The following NCF2 variants were observed in gnomAD, a reference collection of about 807,000 sequenced individuals.
NCF2 encodes the protein neutrophil cytosolic factor 2.
In NCF2, 45 loss-of-function variants were observed where a neutral mutation model predicts 70.9. The observed-to-expected ratio is 0.63, with a 90% confidence interval of 0.50 to 0.81. NCF2 has a LOEUF of 0.81. Among genes scored for constraint, NCF2 ranks in the 40% least tolerant of loss-of-function variants. NCF2 has a pLI of 0.00. For missense variants in NCF2, 522 were observed against 631.6 expected (o/e 0.83, Z 1.86); for synonymous variants, 203 against 233.6 (o/e 0.87, Z 1.19).
At chr1:183,579,956 G>C (rs914101217) in intron 2 of NCF2, among the ~76,000 whole-genome samples, 3 of 152,010 alleles carry the variant, frequency 2.0e-5, no homozygotes, top group Non-Finnish European at 4.4e-5. Context: ...TTTACTTAAA[G>C]CTCCGTGCCA....
intron 6 of NCF2, among the ~76,000 whole-genome samples, chr1:183,570,336 A>G (rs1015566150): frequency 1.3e-5 from 2 of 152,188 alleles, no homozygotes; most frequent in Admixed American, 1.3e-4. Context: ...CCCGAAGGAA[A>G]CCCCTGCACA....
At position 183,573,398 on chromosome 1, in the gene NCF2, T is replaced by C; in HGVS notation, c.502-106A>G. On this transcript the variant is annotated intron_variant, in intron 4 of 14. Transcript: ENST00000367535. ...GCAAGAATTCATTGAGATAACCACA[T>C]AGAAGCCCTTTTCCAAATGAGTGTT... The C allele has an allele frequency of 3.8e-6, 4 of 1,062,830 alleles. No individual in the cohort carries two copies. In the Admixed American group the frequency reaches 5.3e-5, roughly 14 times the overall value. 65.8% of individuals were successfully genotyped at this position (1,062,830 alleles called of 1,614,324 possible).
At chr1:183,561,779 C>G (rs1294138993) in intron 13 of NCF2, among the ~76,000 whole-genome samples, 1 of 65,122 alleles carries the variant, frequency 1.5e-5, no homozygotes, top group East Asian at 4.3e-4. Context: ...TACCAGGCCT[C>G]TTTTTTTTTT....
intron 2 of NCF2, among the ~76,000 whole-genome samples, chr1:183,584,786 G>A (rs1419605886): frequency 6.6e-6 from 1 of 152,174 alleles, no homozygotes; most frequent in African/African-American, 2.4e-5. Flanking sequence ...GGGACAGGCA[G>A]TTAGAGGCAA....
intron 1 of NCF2, among the ~76,000 whole-genome samples, chr1:183,588,824 T>A (rs547058783): frequency 3.9e-5 from 6 of 152,298 alleles, no homozygotes; most frequent in Non-Finnish European, 7.4e-5. Context: ...GCCTGGGAGC[T>A]GAGAAGTGAG....
At chr1:183,584,105 C>G (rs1396914870) in intron 2 of NCF2, among the ~76,000 whole-genome samples, 1 of 152,042 alleles carries the variant, frequency 6.6e-6, no homozygotes, top group Non-Finnish European at 1.5e-5. Context: ...ATCTCAGGTA[C>G]AGATTCTGTG....
chr1:183,574,022 A>G (rs1410933655), intron 4 of NCF2, among the ~76,000 whole-genome samples: 1 of 152,240 alleles, frequency 6.6e-6, no homozygotes, highest in Non-Finnish European at 1.5e-5. Flanking sequence ...CCCAGGAGGC[A>G]GAGGCTGCAG....
At chr1:183,589,871 G>A (rs553644158) in intron 1 of NCF2, among the ~76,000 whole-genome samples, 2 of 152,296 alleles carry the variant, frequency 1.3e-5, no homozygotes, top group South Asian at 4.1e-4. Context: ...GACTAGGACA[G>A]CCTTCACAAA....
the NCF2 span, among the ~76,000 whole-genome samples, chr1:183,596,351 C>A: frequency 6.6e-6 from 1 of 151,232 alleles, no homozygotes; most frequent in Non-Finnish European, 1.5e-5. Context: ...GTACCCTTTA[C>A]ACACACAATG....
chr1:183,569,278 T>A, intron 6 of NCF2, 93 bp from the exon 7 acceptor site: 1 of 1,171,714 alleles, frequency 8.5e-7, no homozygotes. Context: ...TGAGCATTCT[T>A]CCAGACCAGA....
chr1:183,582,845 G>C (rs1176358528), intron 2 of NCF2, among the ~76,000 whole-genome samples: 2 of 152,212 alleles, frequency 1.3e-5, no homozygotes, highest in African/African-American at 4.8e-5. Flanking sequence ...GCTGGGGCTA[G>C]AGAGGCGAGA....
At chr1:183,582,070 C>T (rs1673142834) in intron 2 of NCF2, among the ~76,000 whole-genome samples, 1 of 152,256 alleles carries the variant, frequency 6.6e-6, no homozygotes, top group Non-Finnish European at 1.5e-5. Flanking sequence ...CTTGTTTACC[C>T]AGAGCTGCAG....
chr1:183,561,437 C>T (rs1017734896), intron 13 of NCF2, among the ~76,000 whole-genome samples: 1 of 152,108 alleles, frequency 6.6e-6, no homozygotes, highest in African/African-American at 2.4e-5. Context: ...CTCAGAACCT[C>T]AGTTACCTCA....
intron 4 of NCF2, 138 bp from the exon 5 acceptor site, chr1:183,573,430 C>A: frequency 1.2e-6 from 1 of 844,694 alleles, no homozygotes; most frequent in Non-Finnish European, 2.0e-6. Flanking sequence ...TGTTGTCATT[C>A]CTCTAGGGTG....
At chr1:183,557,586 G>A (rs190014461) in intron 14 of NCF2, among the ~76,000 whole-genome samples, 77 of 152,274 alleles carry the variant, frequency 5.1e-4, no homozygotes, top group African/African-American at 7.9e-4. Context: ...TACCCTGACC[G>A]CTAAATTCTG....
At chr1:183,567,822 C>T (rs929775662) in intron 7 of NCF2, among the ~76,000 whole-genome samples, 8 of 152,056 alleles carry the variant, frequency 5.3e-5, no homozygotes, top group Non-Finnish European at 8.8e-5. Context: ...GATAGAGAGA[C>T]CGTGAGCAGG....
rs1210057682 is a variant in NCF2 at position 183,587,041 on chromosome 1, A to G, written c.175-64T>C. The stretch of plus-strand genomic sequence containing the variant: ...GCAGTGAGGAGGTGTGAGATGAGCC[A>G]CGGCTCACAGAGCCCTAGCTCCCTG... On this transcript the variant is annotated intron_variant, in intron 1 of 14. Coordinates refer to ENST00000367535, the MANE Select transcript of NCF2 (RefSeq NM_000433.4). 11 of 1,455,534 alleles carry G rather than the reference A, an allele frequency of 7.6e-6. No individual in the cohort carries two copies. In the East Asian group the frequency reaches 1.4e-4, roughly 18 times the overall value. The allele number at this position is 1,455,534 out of a possible 1,614,324, so 90.2% of individuals were successfully genotyped here.
chr1:183,562,611 G>T (rs1317748309), intron 13 of NCF2, among the ~76,000 whole-genome samples: 1 of 152,104 alleles, frequency 6.6e-6, no homozygotes, highest in African/African-American at 2.4e-5. Flanking sequence ...GAGGCAGGTG[G>T]ATCACAAGGT....
chr1:183,574,661 T>G, intron 3 of NCF2, 40 bp from the exon 4 acceptor site: 1 of 1,612,436 alleles, frequency 6.2e-7, no homozygotes, highest in Non-Finnish European at 8.5e-7. Flanking sequence ...TTGAGACTAC[T>G]CCAAATCAAG....
Sources: gnomAD v4.1 joint callset for allele counts (sites outside exome capture counted in the v4.1 genomes callset) on GRCh38, gnomAD v4.1.1 for gene constraint, MANE v1.5 for transcripts, NCBI Gene and HGNC (gene_info 2026-07-23, HGNC 2026-07-21) for gene names.